Variants in NALF1 observed in about 807,000 individuals in gnomAD.
The protein encoded by NALF1 is NALCN channel auxiliary factor 1, also known as family with sequence similarity 155 member A.
NALF1 carries 3 observed loss-of-function variants against 48.4 expected under a neutral mutation model. The observed-to-expected ratio is 0.06, with a 90% CI of 0.03 to 0.16. NALF1 has a LOEUF of 0.16. Among genes scored for constraint, NALF1 ranks in the 10% least tolerant of loss-of-function variants. The probability of loss-of-function intolerance (pLI) is 1.00; values close to 1 mark genes in which losing one functional copy is unlikely to be tolerated. For synonymous variants in NALF1, 262 were observed against 245.7 expected, an observed-to-expected ratio of 1.07 and a Z score of -0.62; for missense variants, 526 against 571.5, an observed-to-expected ratio of 0.92 and a Z score of 0.81.
At chr13:107,179,128 T>C (rs1879007390) in intron 2 of NALF1, among the ~76,000 whole-genome samples, 1 of 151,958 alleles carries the variant, frequency 6.6e-6, no homozygotes, top group South Asian at 2.1e-4. Context: ...CATTGACAGA[T>C]AAATGGGTAG....
intron 1 of NALF1, among the ~76,000 whole-genome samples, chr13:107,612,925 G>T (rs1371361418): frequency 6.6e-6 from 1 of 151,620 alleles, no homozygotes; most frequent in Non-Finnish European, 1.5e-5. Flanking sequence ...CAGCCTATTG[G>T]CTCCATTTCT....
intron 2 of NALF1, among the ~76,000 whole-genome samples, chr13:107,174,101 T>A (rs553666089): frequency 6.6e-6 from 1 of 152,248 alleles, no homozygotes; most frequent in Non-Finnish European, 1.5e-5. Context: ...CACTCTGAGA[T>A]ATTTGGGGTA....
rs533312071 is a variant in NALF1, at chr13:107,664,849, T to C, written c.915+200833A>G. On this transcript the variant is annotated intron_variant, in intron 1 of 2. Transcript: ENST00000375915. Reference sequence around the variant, plus strand: ...CTACTGCAGTTTTCCCAGGGTACCTTGAATTTGGTGTGTCTCTGCCCAGGG... The same window carrying C: ...CTACTGCAGTTTTCCCAGGGTACCTCGAATTTGGTGTGTCTCTGCCCAGGG... 2.6e-5 allele frequency among the ~76,000 whole-genome samples: 4 copies of C among 152,256 alleles called. No individual in the cohort carries two copies. The East Asian group carries it at 7.7e-4, about 29-fold the overall frequency.
intron 1 of NALF1, among the ~76,000 whole-genome samples, chr13:107,415,117 A>G (rs779280968): frequency 6.6e-6 from 1 of 152,206 alleles, no homozygotes; most frequent in Non-Finnish European, 1.5e-5. Flanking sequence ...ACATTTTACT[A>G]AGTATAACTT....
At chr13:107,184,687 T>C (rs1197421302) in intron 2 of NALF1, among the ~76,000 whole-genome samples, 3 of 152,250 alleles carry the variant, frequency 2.0e-5, no homozygotes, top group Non-Finnish European at 4.4e-5. Flanking sequence ...AGGGCCTTTT[T>C]GTCCTCAAAT....
At chr13:107,492,035 T>G (rs1875148276) in intron 1 of NALF1, among the ~76,000 whole-genome samples, 1 of 112,836 alleles carries the variant, frequency 8.9e-6, no homozygotes, top group Non-Finnish European at 1.9e-5. Context: ...TGTCTGGGTT[T>G]TTTTTTGTTT....
chr13:107,401,063 G>C (rs967203522), intron 1 of NALF1, among the ~76,000 whole-genome samples: 4 of 152,138 alleles, frequency 2.6e-5, no homozygotes, highest in Non-Finnish European at 4.4e-5. Flanking sequence ...GTGACCTACT[G>C]TCAACCATGC....
intron 1 of NALF1, among the ~76,000 whole-genome samples, chr13:107,379,826 C>A (rs1883400229): frequency 1.3e-5 from 2 of 152,210 alleles, no homozygotes; most frequent in South Asian, 2.1e-4. Context: ...TCATAGAATA[C>A]ACTTCCATTC....
chr13:107,630,015 A>C (rs75707510), intron 1 of NALF1, among the ~76,000 whole-genome samples: 7 of 151,962 alleles, frequency 4.6e-5, no homozygotes, highest in East Asian at 1.9e-4. Context: ...TCTATCATCT[A>C]TCTCTCTCTC....
At chr13:107,709,167 T>G (rs562074906) in intron 1 of NALF1, among the ~76,000 whole-genome samples, 3 of 152,342 alleles carry the variant, frequency 2.0e-5, no homozygotes, top group African/African-American at 4.8e-5. Flanking sequence ...AATGAAGTAG[T>G]GTAGAGTCCA....
intron 1 of NALF1, among the ~76,000 whole-genome samples, chr13:107,394,782 T>C (rs921593870): frequency 9.9e-5 from 15 of 152,036 alleles, no homozygotes; most frequent in African/African-American, 3.6e-4. Context: ...AAGAAATATA[T>C]GGATCATGTT....
intron 1 of NALF1, among the ~76,000 whole-genome samples, chr13:107,263,907 A>G (rs2138856827): frequency 6.6e-6 from 1 of 152,314 alleles, no homozygotes; most frequent in African/African-American, 2.4e-5. Context: ...CCTCTGCCTA[A>G]TTGATACACA....
In NALF1 at chr13:107,865,825, T is replaced by C. The variant is rs1191349504; in HGVS notation, c.772A>G (p.Met258Val). The change falls in exon 1 of 3, where the codon ATG becomes GTG. Residue 258 changes from methionine to valine, a missense_variant. Coordinates refer to ENST00000375915, the MANE Select transcript of NALF1 (RefSeq NM_001080396.3). ...LDVVLKEGGEMTTCRQCVEAY... is the reference protein window; with the variant it reads ...LDVVLKEGGEVTTCRQCVEAY... The stretch of plus-strand genomic sequence containing the variant: ...TCGACGCACTGCCTGCAAGTGGTCA[T>C]CTCGCCGCCTTCCTTGAGCACCACA... 6.2e-7 allele frequency: 1 copy of C among 1,614,124 alleles called. No individual in the cohort carries two copies. The highest frequency in any genetic ancestry group is 8.5e-7 in the Non-Finnish European group (1 of 1,180,028).
At chr13:107,218,447 T>A (rs1258964661) in intron 1 of NALF1, among the ~76,000 whole-genome samples, 3 of 152,114 alleles carry the variant, frequency 2.0e-5, no homozygotes, top group Non-Finnish European at 4.4e-5. Context: ...GCTTGCATAA[T>A]GATGCCCCGC....
At chr13:107,461,333 GTAAT>G (rs1884915515) in intron 1 of NALF1, among the ~76,000 whole-genome samples, 1 of 152,068 alleles carries the variant, frequency 6.6e-6, no homozygotes, top group African/African-American at 2.4e-5. Flanking sequence ...TTAACATGAA[GTAAT>G]TAAACTTGAA....
At chr13:107,455,493 C>T (rs926170535) in intron 1 of NALF1, among the ~76,000 whole-genome samples, 1 of 152,220 alleles carries the variant, frequency 6.6e-6, no homozygotes, top group African/African-American at 2.4e-5. Context: ...GAACATCCCA[C>T]ACCAGTGACC....
intron 1 of NALF1, among the ~76,000 whole-genome samples, chr13:107,860,611 A>T (rs566486006): frequency 1.3e-5 from 2 of 152,336 alleles, no homozygotes; most frequent in Admixed American, 1.3e-4. Flanking sequence ...TGTTAACTGA[A>T]AAAAATATAT....
intron 1 of NALF1, among the ~76,000 whole-genome samples, chr13:107,520,850 G>A (rs565210039): frequency 1.4e-4 from 21 of 152,224 alleles, no homozygotes; most frequent in Middle Eastern, 6.8e-3. Context: ...GCCCAGGGTA[G>A]ACCCCTGCCT....
intron 2 of NALF1, among the ~76,000 whole-genome samples, chr13:107,200,106 G>C (rs974889943): frequency 7.9e-5 from 12 of 152,194 alleles, no homozygotes; most frequent in Non-Finnish European, 1.8e-4. Flanking sequence ...TCACCAAAAC[G>C]AGAAGGAGAG....
Sources: gnomAD v4.1 joint callset for allele counts (sites outside exome capture counted in the v4.1 genomes callset) on GRCh38, gnomAD v4.1.1 for gene constraint, MANE v1.5 for transcripts, NCBI Gene and HGNC (gene_info 2026-07-23, HGNC 2026-07-21) for gene names.